The following RNF17 variants were observed in gnomAD, a reference collection of about 807,000 sequenced individuals.
RNF17 encodes spermatogenesis associated 23.
RNF17 carries 31 observed loss-of-function variants against 200.5 expected under a neutral mutation model. The observed-to-expected ratio is 0.15, with a 90% confidence interval of 0.12 to 0.21. The LOEUF (loss-of-function observed/expected upper bound fraction) is 0.21, where lower values mean the gene tolerates loss of function less well. RNF17 is among the 10% of genes least tolerant of loss of function. RNF17 has a pLI of 1.00. For missense variants in RNF17, 1,628 were observed against 1,905.1 expected, an observed-to-expected ratio of 0.85 and a Z score of 2.71; for synonymous variants, 606 against 637.8, an observed-to-expected ratio of 0.95 and a Z score of 0.75.
the RNF17 span, among the ~76,000 whole-genome samples, chr13:24,759,144 C>T: frequency 6.7e-6 from 1 of 149,388 alleles, no homozygotes. Context: ...GGCTGAGTAG[C>T]TCTGGAATAA....
downstream of RNF17, chr13:24,884,533 A>G: frequency 1.4e-6 from 2 of 1,481,408 alleles, no homozygotes; most frequent in South Asian, 2.3e-5. Context: ...TCTCCTCCCA[A>G]CTGCCTACTT....
intron 2 of RNF17, among the ~76,000 whole-genome samples, chr13:24,771,492 G>A (rs1387148525): frequency 6.6e-6 from 1 of 151,602 alleles, no homozygotes; most frequent in Non-Finnish European, 1.5e-5. Flanking sequence ...AGTTGTAAGA[G>A]TACTTTATGT....
rs1881525921 is a variant in RNF17 at position 24,776,075 on chromosome 13, G to GA, written c.317+1176dup. Among the ~76,000 whole-genome samples the GA allele has an allele frequency of 1.3e-5, 2 of 152,072 alleles. 1 individual carries two copies. The highest frequency in any genetic ancestry group is 1.3e-4 in the Admixed American group (2 of 15,252). ...AAATAAAAAATAGGATTCTTTCAAG[G>GA]AAAAATCTCATGTGGAACTTTCCAA... On this transcript the variant is annotated intron_variant, in intron 3 of 35. Coordinates refer to ENST00000255324, the MANE Select transcript of RNF17 (RefSeq NM_031277.3).
chr13:24,842,957 A>C (rs1890810646), intron 19 of RNF17, among the ~76,000 whole-genome samples: 1 of 151,810 alleles, frequency 6.6e-6, no homozygotes, highest in Non-Finnish European at 1.5e-5. Context: ...ACTGCACTCC[A>C]GAGTGTCTGA....
chr13:24,877,026 G>A lies in RNF17; in HGVS notation c.4613G>A (p.Arg1538Gln), dbSNP rs747535411. The change falls in exon 34 of 36, where the codon CGG becomes CAG. Residue 1538 changes from arginine (R) to glutamine (Q), a missense_variant. Coordinates refer to ENST00000255324, the MANE Select transcript of RNF17 (RefSeq NM_031277.3). ...RLCQIPSHLM[R>Q]YPARAIKVLL... ...TGCCAAATTCCTTCTCATCTTATGC[G>A]GTATCCAGCTCGAGCCATAAAGGTT... The A allele has an allele frequency of 1.1e-5, 17 of 1,606,566 alleles. No homozygotes were observed. Among genetic ancestry groups the A allele is most frequent in the Admixed American group, 6.9e-5 (4 of 57,760 alleles).
chr13:24,771,611 C>T (rs1382852960), intron 2 of RNF17, among the ~76,000 whole-genome samples: 3 of 149,572 alleles, frequency 2.0e-5, no homozygotes, highest in Non-Finnish European at 4.4e-5. Context: ...GTCATTTTTA[C>T]CCCTGCTTCA....
At chr13:24,781,279 A>C (rs1882328288) in intron 5 of RNF17, among the ~76,000 whole-genome samples, 1 of 152,080 alleles carries the variant, frequency 6.6e-6, no homozygotes, top group Non-Finnish European at 1.5e-5. Context: ...GAAAAGAAAA[A>C]AATTTAGTAC....
At chr13:24,836,073 G>C (rs909254427) in intron 18 of RNF17, among the ~76,000 whole-genome samples, 1 of 152,108 alleles carries the variant, frequency 6.6e-6, no homozygotes, top group Non-Finnish European at 1.5e-5. Flanking sequence ...TCGAAAACAA[G>C]GTCTTCGAAT....
rs1254188133 is a variant in RNF17, at chr13:24,779,669, CACTAAT to C, written c.436_441del (p.Asn146_Thr147del). 6.2e-7 allele frequency: 1 copy of C among 1,608,068 alleles called. No homozygotes were observed. The highest frequency in any genetic ancestry group is 1.3e-5 in the African/African-American group (1 of 74,740). ...ATGTGATTTCCCTCCCTTCTTAGGA[CACTAAT>C]ACTGCAGAAGAAATTGATGAAGCAT... On this transcript the variant is annotated inframe_deletion, in exon 5 of 36. Coordinates refer to ENST00000255324, the MANE Select transcript of RNF17 (RefSeq NM_031277.3).
intron 15 of RNF17, among the ~76,000 whole-genome samples, chr13:24,809,490 C>G (rs1593307196): frequency 6.6e-6 from 1 of 151,890 alleles, no homozygotes; most frequent in South Asian, 2.1e-4. Flanking sequence ...TGGTGATATC[C>G]CCTTTATCAT....
rs777888152 is a variant in RNF17 at position 24,797,705 on chromosome 13, AGTGTGT to A, written c.1399+1445_1399+1450del. Among the ~76,000 whole-genome samples the A allele has an allele frequency of 5.9e-5, 7 of 119,096 alleles. No homozygotes were observed. In the East Asian group the frequency reaches 1.3e-3, roughly 22 times the overall value. 78.1% of individuals were successfully genotyped at this position (119,096 alleles called of 152,430 possible). On this transcript the variant is annotated intron_variant, in intron 11 of 35. Transcript: ENST00000255324. ...GAGAGAGAGAGAGAGAGAGACAAAG[AGTGTGT>A]GTGTGTGTGTGTGTGTGTGTGTGTG...
chr13:24,842,702 G>C (rs1890769221), intron 19 of RNF17, among the ~76,000 whole-genome samples: 1 of 152,104 alleles, frequency 6.6e-6, no homozygotes, highest in South Asian at 2.1e-4. Context: ...TCAAGACAAA[G>C]AATTCTTGCA....
At position 24,879,210 on chromosome 13, in the gene RNF17, G is replaced by T. The variant is rs762619913; in HGVS notation, c.4797G>T (p.Val1599=). 1 of 1,613,594 alleles carries T rather than the reference G, an allele frequency of 6.2e-7. No homozygotes were observed. Among genetic ancestry groups the T allele is most frequent in the Non-Finnish European group, 8.5e-7 (1 of 1,179,574 alleles). Residue 1599 remains valine (V), a synonymous_variant, in exon 35 of 36, where the codon GTG becomes GTT. Transcript: ENST00000255324. ...VSMAPAPEQI[V]TLYDDEQHPV... ...AGGCTCCAGCACCAGAACAGATAGT[G>T]ACATTATATGACGATGAACAGCATC...
intron 11 of RNF17, among the ~76,000 whole-genome samples, chr13:24,797,705 A>T (rs201732702): frequency 4.2e-5 from 5 of 119,048 alleles, no homozygotes; most frequent in Non-Finnish European, 6.9e-5. Flanking sequence ...AGAGACAAAG[A>T]GTGTGTGTGT....
upstream of RNF17, among the ~76,000 whole-genome samples, chr13:24,763,279 T>C (rs1368225346): frequency 1.3e-5 from 2 of 151,076 alleles, no homozygotes; most frequent in Non-Finnish European, 2.9e-5. Context: ...CTCGGCTCAC[T>C]GCAAGCTCCG....
intron 19 of RNF17, among the ~76,000 whole-genome samples, chr13:24,842,672 C>T (rs933093690): frequency 6.6e-6 from 1 of 152,016 alleles, no homozygotes; most frequent in Non-Finnish European, 1.5e-5. Context: ...GTGGCAAGGA[C>T]AGGTGGGAGG....
At position 24,876,945 on chromosome 13, in the gene RNF17, GGATA is replaced by G. The variant is rs1566265257; in HGVS notation, c.4584-50_4584-47del. ...TCCCCTATGTTTTCTTCTAAGAATT[GGATA>G]GTTTCAGCCGGAAGAGAATTTTAAT... On this transcript the variant is annotated intron_variant, in intron 33 of 35. Coordinates refer to ENST00000255324, the MANE Select transcript of RNF17 (RefSeq NM_031277.3). 2.8e-6 allele frequency: 4 copies of G among 1,415,632 alleles called. No homozygotes were observed. In the African/African-American group the frequency reaches 5.8e-5, roughly 21 times the overall value. 87.7% of individuals were successfully genotyped at this position (1,415,632 alleles called of 1,614,324 possible).
In RNF17 at chr13:24,862,699, T is replaced by C. The variant is rs560818529; in HGVS notation, c.3895-14T>C. 5.2e-6 allele frequency: 8 copies of C among 1,541,350 alleles called. No individual in the cohort carries two copies. The South Asian group carries it at 9.0e-5, about 17-fold the overall frequency. The stretch of plus-strand genomic sequence containing the variant: ...GAAAGCATAAAAGAATCTGAGTTTA[T>C]TAATCTCAAATAGGTTGGGAATGTC... On this transcript the variant is annotated splice_polypyrimidine_tract_variant and intron_variant, in intron 27 of 35. Transcript: ENST00000255324.
chr13:24,800,370 G>A lies in RNF17; in HGVS notation c.1594G>A (p.Val532Ile). The change falls in exon 13 of 36, where the codon GTT becomes ATT. Residue 532 changes from valine (V) to isoleucine (I), a missense_variant. Coordinates refer to ENST00000255324, the MANE Select transcript of RNF17 (RefSeq NM_031277.3). ...TATTACTTGAATTTCTCCTAGAGTTGTTGATACCCATGTGAGACCAGAACA... is the reference window on the plus strand; with the variant it reads ...TATTACTTGAATTTCTCCTAGAGTTATTGATACCCATGTGAGACCAGAACA... ...NSEVLIVTGV[V>I]DTHVRPEHSA... 6.4e-7 allele frequency: 1 copy of A among 1,574,748 alleles called. No homozygotes were observed.
Sources: gnomAD v4.1 joint callset for allele counts (sites outside exome capture counted in the v4.1 genomes callset) on GRCh38, gnomAD v4.1.1 for gene constraint, MANE v1.5 for transcripts, NCBI Gene and HGNC (gene_info 2026-07-23, HGNC 2026-07-21) for gene names.